DPY19L4: variants seen among roughly 807,000 people sequenced by gnomAD.
DPY19L4 encodes the protein probable C-mannosyltransferase DPY19L4.
Under a neutral mutation model 102.8 loss-of-function variants are expected in DPY19L4, and 97 were observed. That is an observed-to-expected ratio of 0.94 (90% confidence interval 0.80 to 1.12). DPY19L4 has a LOEUF of 1.12. Among genes scored for constraint, DPY19L4 ranks in the 50% most tolerant of loss-of-function variants. DPY19L4 has a pLI of 0.00. For synonymous variants in DPY19L4, 252 were observed against 283.1 expected (o/e 0.89, Z 1.10); for missense variants, 815 against 850.4 (o/e 0.96, Z 0.52).
intron 17 of DPY19L4, among the ~76,000 whole-genome samples, chr8:94,787,680 A>G (rs545257624): frequency 2.6e-5 from 4 of 152,236 alleles, no homozygotes; most frequent in Non-Finnish European, 4.4e-5. Flanking sequence ...CAGAAAAATT[A>G]TAGTAAAAAG....
intron 6 of DPY19L4, chr8:94,744,323 A>C (rs998847835): frequency 4.4e-6 from 2 of 456,050 alleles, no homozygotes; most frequent in African/African-American, 4.0e-5. Flanking sequence ...TTAATTTCTT[A>C]CATATGGGCC....
chr8:94,747,442 G>A (rs188937401), intron 6 of DPY19L4, among the ~76,000 whole-genome samples: 5 of 151,922 alleles, frequency 3.3e-5, no homozygotes, highest in East Asian at 1.9e-4. Context: ...AAGTGGTACC[G>A]CATTGCCAAC....
chr8:94,786,283 C>T (rs12547969), intron 17 of DPY19L4, among the ~76,000 whole-genome samples: 99,420 of 151,698 alleles, frequency 0.66, 32,719 homozygotes, highest in East Asian at 0.79. Context: ...CACACCACCA[C>T]GCCTGGCTAA....
chr8:94,761,394 A>C (rs1812388525), intron 7 of DPY19L4, among the ~76,000 whole-genome samples: 1 of 152,136 alleles, frequency 6.6e-6, no homozygotes, highest in African/African-American at 2.4e-5. Context: ...TTATTGCTTT[A>C]CTTCTTTTGG....
chr8:94,747,046 G>GT (rs576888611), intron 6 of DPY19L4, among the ~76,000 whole-genome samples: 98 of 150,932 alleles, frequency 6.5e-4, no homozygotes, highest in African/African-American at 1.7e-3. Context: ...CAGAACATTG[G>GT]TTTTTTTTTG....
Position 94,791,635 on chromosome 8 carries a change from GA to G in DPY19L4, c.*1729del, listed in dbSNP as rs1027343213. 42 of 152,156 alleles carry G rather than the reference GA, an allele frequency of 2.8e-4. No individual in the cohort carries two copies. Among genetic ancestry groups the G allele is most frequent in the African/African-American group, 1.0e-3 (42 of 41,526 alleles). 9.4% of individuals were successfully genotyped at this position (152,156 alleles called of 1,614,324 possible). On this transcript the variant is annotated 3_prime_UTR_variant, in exon 19 of 19. Transcript: ENST00000414645. ...TTAGAGCATGTAAAACAATGTAATT[GA>G]AAAGTCAGCTTCCATATTTTGTAGG...
intron 9 of DPY19L4, 23 bp from the exon 10 acceptor site, chr8:94,765,688 T>C: frequency 6.6e-7 from 1 of 1,515,306 alleles, no homozygotes. Context: ...CACTTCTTTG[T>C]TCATATGATT....
intron 2 of DPY19L4, among the ~76,000 whole-genome samples, chr8:94,730,472 G>A (rs574290440): frequency 6.6e-5 from 10 of 152,136 alleles, no homozygotes; most frequent in Admixed American, 5.2e-4. Flanking sequence ...AATGCTGGGC[G>A]TGGTGGCTCG....
chr8:94,764,793 G>A (rs1413920040), intron 8 of DPY19L4, among the ~76,000 whole-genome samples: 5 of 127,304 alleles, frequency 3.9e-5, no homozygotes, highest in South Asian at 5.5e-4. Context: ...GCAGTGGTGC[G>A]ATTTTGGCTC....
rs1295165617 is a variant in DPY19L4, at chr8:94,789,758, G to C, written c.2020G>C (p.Glu674Gln). The change falls in exon 19 of 19, where the codon GAA becomes CAA. Residue 674 changes from glutamate (E) to glutamine (Q), a missense_variant. Physicochemically the swap from Glu to Gln is conservative, Grantham distance 29 (BLOSUM62 2). Transcript: ENST00000414645. Reference sequence around the variant, plus strand: ...TATCTTTTAATAGATGGTTTGTGAAGAAGGTGACAAGCTAACCTACTCAAA... The same window carrying C: ...TATCTTTTAATAGATGGTTTGTGAACAAGGTGACAAGCTAACCTACTCAAA... Reference protein sequence around the residue: ...DIANGHMVCEEGDKLTYSKYG... With the variant: ...DIANGHMVCEQGDKLTYSKYG... The C allele has an allele frequency of 6.3e-7, 1 of 1,598,842 alleles. No homozygotes were observed. The highest frequency in any genetic ancestry group is 8.5e-7 in the Non-Finnish European group (1 of 1,174,474).
chr8:94,748,930 T>C (rs1040374362), intron 6 of DPY19L4, among the ~76,000 whole-genome samples: 6 of 152,216 alleles, frequency 3.9e-5, no homozygotes, highest in Admixed American at 3.3e-4. Context: ...TACCTAAGAC[T>C]GGGAAATTTA....
chr8:94,789,442 A>G lies in DPY19L4; in HGVS notation c.2008-304A>G, dbSNP rs1332200619. 2.0e-5 allele frequency among the ~76,000 whole-genome samples: 3 copies of G among 152,280 alleles called. No individual in the cohort carries two copies. The South Asian group carries it at 6.2e-4, about 32-fold the overall frequency. ...TTTCTCAGCCTTGGTAGGGTGCATG[A>G]TAAGGTCTTCGGAGCGATGATAATG... On this transcript the variant is annotated intron_variant, in intron 18 of 18. Transcript: ENST00000414645.
intron 13 of DPY19L4, among the ~76,000 whole-genome samples, chr8:94,774,039 TAAAAAAAAAA>T (rs79751438): frequency 9.7e-6 from 1 of 102,782 alleles, no homozygotes; most frequent in East Asian, 2.8e-4. Flanking sequence ...TGTCTTTAGT[TAAAAAAAAAA>T]AAAAAAAAAA....
At chr8:94,747,778 T>C (rs1391883939) in intron 6 of DPY19L4, among the ~76,000 whole-genome samples, 1 of 152,082 alleles carries the variant, frequency 6.6e-6, no homozygotes, top group Non-Finnish European at 1.5e-5. Flanking sequence ...GCCAGGATGG[T>C]CTCGATCTCC....
chr8:94,779,699 G>A (rs4735324), intron 14 of DPY19L4, among the ~76,000 whole-genome samples: 93,633 of 151,822 alleles, frequency 0.62, 29,694 homozygotes, highest in East Asian at 0.79. Context: ...AAAGTAGTTA[G>A]AAGATCAGTA....
At chr8:94,754,903 C>T (rs889204949) in intron 6 of DPY19L4, among the ~76,000 whole-genome samples, 1 of 152,220 alleles carries the variant, frequency 6.6e-6, no homozygotes, top group Non-Finnish European at 1.5e-5. Flanking sequence ...ATTCTCCTGC[C>T]TCAGCCTAAC....
At chr8:94,745,182 G>A in intron 6 of DPY19L4, 1 of 153,436 alleles carries the variant, frequency 6.5e-6, no homozygotes, top group Non-Finnish European at 1.5e-5. Flanking sequence ...CAAACTAAAA[G>A]GTGTAGGTAT....
At chr8:94,725,173 A>G (rs965261964) in intron 1 of DPY19L4, among the ~76,000 whole-genome samples, 4 of 152,192 alleles carry the variant, frequency 2.6e-5, no homozygotes, top group Admixed American at 6.5e-5. Context: ...TTTGACTTTT[A>G]TGTTTATTTT....
chr8:94,749,018 G>A (rs182436140), intron 6 of DPY19L4, among the ~76,000 whole-genome samples: 45 of 152,268 alleles, frequency 3.0e-4, no homozygotes, highest in Non-Finnish European at 5.3e-4. Flanking sequence ...TGAAAGGCAC[G>A]TCTCACATGG....
Sources: allele counts gnomAD v4.1 joint callset (sites outside exome capture counted in the v4.1 genomes callset), GRCh38; gene constraint gnomAD v4.1.1; transcripts MANE v1.5; gene names NCBI Gene and HGNC (gene_info 2026-07-23, HGNC 2026-07-21).